The following WT1 variants were observed in gnomAD, a reference collection of about 807,000 sequenced individuals.
The protein encoded by WT1 is Wilms tumor protein.
WT1 carries 8 observed loss-of-function variants against 60.8 expected under a neutral mutation model. The observed-to-expected ratio is 0.13, with a 90% CI of 0.08 to 0.24. WT1 has a LOEUF of 0.24. Ranked by LOEUF, WT1 falls within the 10% of genes least tolerant of loss-of-function variation. The probability of loss-of-function intolerance (pLI) is 1.00; values close to 1 mark genes in which losing one functional copy is unlikely to be tolerated. For synonymous variants in WT1, 312 were observed against 297.1 expected, an observed-to-expected ratio of 1.05 and a Z score of -0.52; for missense variants, 568 against 711.8, an observed-to-expected ratio of 0.80 and a Z score of 2.30.
chr11:32,405,031 C>A, intron 5 of WT1, among the ~76,000 whole-genome samples: 1 of 152,294 alleles, frequency 6.6e-6, no homozygotes, highest in East Asian at 1.9e-4. Context: ...GCAGTTATTT[C>A]ATGTGTTTGC....
intron 1 of WT1, among the ~76,000 whole-genome samples, chr11:32,433,101 C>T (rs936887444): frequency 6.6e-6 from 1 of 152,214 alleles, no homozygotes; most frequent in African/African-American, 2.4e-5. Context: ...TCTCAGCTGT[C>T]CTCTTATAGA....
At chr11:32,426,718 C>T (rs1441736730) in intron 3 of WT1, among the ~76,000 whole-genome samples, 1 of 152,212 alleles carries the variant, frequency 6.6e-6, no homozygotes, top group Non-Finnish European at 1.5e-5. Context: ...CTCCAGTCCG[C>T]GCGCCTCAGG....
At chr11:32,398,810 G>T (rs1852052471) in intron 6 of WT1, among the ~76,000 whole-genome samples, 1 of 150,944 alleles carries the variant, frequency 6.6e-6, no homozygotes. Flanking sequence ...CTAAGAGAAA[G>T]AAGTCAGCCT....
chr11:32,417,850 A>G (rs1209976783), intron 3 of WT1, among the ~76,000 whole-genome samples, 196 bp from the exon 4 acceptor site: 1 of 152,198 alleles, frequency 6.6e-6, no homozygotes, highest in Non-Finnish European at 1.5e-5. Flanking sequence ...CATACACAGC[A>G]GAAGGGATGT....
At chr11:32,394,662 A>G (rs995281632) in intron 7 of WT1, among the ~76,000 whole-genome samples, 1 of 152,234 alleles carries the variant, frequency 6.6e-6, no homozygotes, top group African/African-American at 2.4e-5. Context: ...AGTACTTAAT[A>G]TAACAGTCTG....
intron 6 of WT1, among the ~76,000 whole-genome samples, chr11:32,398,901 A>C (rs942541912): frequency 6.6e-6 from 1 of 151,682 alleles, no homozygotes; most frequent in Non-Finnish European, 1.5e-5. Flanking sequence ...TCACGCCTGT[A>C]ATCCCAGCAC....
rs189153510 is a variant in WT1, at chr11:32,398,790, A to G, written c.1113+1158T>C. Among the ~76,000 whole-genome samples the G allele has an allele frequency of 9.2e-5, 14 of 151,656 alleles. No individual in the cohort carries two copies. In the East Asian group the frequency reaches 2.7e-3, roughly 29 times the overall value. On this transcript the variant is annotated intron_variant, in intron 6 of 9. Coordinates refer to ENST00000452863, the MANE Select transcript of WT1 (RefSeq NM_024426.6). ...ACAAATAGACAAGGAGAAACCTTAC[A>G]TGCATATTGCTAAGAGAAAGAAGTC...
Position 32,435,209 on chromosome 11 carries a change from G to A in WT1, c.152C>T (p.Ala51Val). The change falls in exon 1 of 10, where the codon GCC becomes GTC. Residue 51 changes from alanine to valine, a missense_variant. By Grantham distance (64) the Ala-to-Val change is moderately conservative (BLOSUM62 0). Around this residue, in one of 3 missense-constraint regions of WT1, gnomAD observed 523 missense variants for 565.1 expected, o/e 0.93. Transcript: ENST00000452863. ...CTGGAGACGTTCAGCGCTGGCCTCG[G>A]CGGCGCCTAACTTGGCCCAGATGCC... 1 of 1,533,174 alleles carries A rather than the reference G, an allele frequency of 6.5e-7. No homozygotes were observed. Among genetic ancestry groups the A allele is most frequent in the Non-Finnish European group, 8.7e-7 (1 of 1,145,580 alleles). The allele number at this position is 1,533,174 out of a possible 1,614,324, so 95.0% of individuals were successfully genotyped here. A position where few individuals can be genotyped will look rare whatever the true frequency, so the allele number is the denominator to read the frequency against.
At chr11:32,399,022 G>T (rs1214664493) in intron 6 of WT1, among the ~76,000 whole-genome samples, 1 of 151,618 alleles carries the variant, frequency 6.6e-6, no homozygotes, top group Non-Finnish European at 1.5e-5. Flanking sequence ...CAGGCGTGGT[G>T]GTGGGCACCT....
intron 3 of WT1, among the ~76,000 whole-genome samples, chr11:32,419,681 C>G (rs1296031382): frequency 6.6e-6 from 1 of 152,104 alleles, no homozygotes; most frequent in Non-Finnish European, 1.5e-5. Context: ...TAAGGAAGTA[C>G]CCCAAAGAGA....
At chr11:32,415,344 G>A (rs1370916364) in intron 5 of WT1, among the ~76,000 whole-genome samples, 1 of 151,748 alleles carries the variant, frequency 6.6e-6, no homozygotes, top group African/African-American at 2.4e-5. Flanking sequence ...AGGAACTTAA[G>A]ACGAGTTAAG....
rs1443719817 is a variant in WT1, at chr11:32,394,082, G to A, written c.1265-1327C>T. ...TAAATTTTTAAAAATATTTTTTTTA[G>A]AGACAGGGTCTCACTATATTGCCCA... On this transcript the variant is annotated intron_variant, in intron 7 of 9. Transcript: ENST00000452863. 2.0e-5 allele frequency among the ~76,000 whole-genome samples: 3 copies of A among 152,028 alleles called. No homozygotes were observed. The East Asian group carries it at 5.8e-4, about 29-fold the overall frequency.
At chr11:32,430,042 A>G (rs1196853184) in intron 1 of WT1, among the ~76,000 whole-genome samples, 2 of 150,984 alleles carry the variant, frequency 1.3e-5, no homozygotes, top group Non-Finnish European at 2.9e-5. Flanking sequence ...ATGAGCCTGG[A>G]GGGTGGTGTG....
At position 32,435,080 on chromosome 11, in the gene WT1, C is replaced by T. The variant is rs1417614394; in HGVS notation, c.281G>A (p.Gly94Asp). 6.7e-7 allele frequency: 1 copy of T among 1,492,268 alleles called. No individual in the cohort carries two copies. The highest frequency in any genetic ancestry group is 8.8e-7 in the Non-Finnish European group (1 of 1,130,364). 92.4% of individuals were successfully genotyped at this position (1,492,268 alleles called of 1,614,324 possible). ...GCTCACAGGCAGGGCACAGCCGCCG[C>T]CGCCACCCAGGGAGGGGACGGCGGG... is the stretch of plus-strand genomic sequence containing the variant. Residue 94 changes from glycine (G) to aspartate (D), a missense_variant, in exon 1 of 10, where the codon GGC becomes GAC. Gly to Asp is a moderately conservative substitution (Grantham distance 94, BLOSUM62 -1). Transcript: ENST00000452863.
chr11:32,424,632 C>G (rs1852965132), intron 3 of WT1, among the ~76,000 whole-genome samples: 1 of 152,172 alleles, frequency 6.6e-6, no homozygotes, highest in African/African-American at 2.4e-5. Flanking sequence ...AAACCACCTC[C>G]TGTCATTTCC....
intron 5 of WT1, among the ~76,000 whole-genome samples, chr11:32,406,910 C>A (rs1852329307): frequency 6.6e-6 from 1 of 151,942 alleles, no homozygotes; most frequent in Non-Finnish European, 1.5e-5. Context: ...ACCAGCCTGG[C>A]CAACATGGTG....
chr11:32,427,684 T>C (rs532391898), intron 3 of WT1, among the ~76,000 whole-genome samples: 271 of 152,336 alleles, frequency 1.8e-3, no homozygotes, highest in African/African-American at 5.8e-3. Flanking sequence ...AGTAAAGACC[T>C]TCTAAAAATA....
At chr11:32,418,516 G>C (rs914600285) in intron 3 of WT1, among the ~76,000 whole-genome samples, 6 of 152,116 alleles carry the variant, frequency 3.9e-5, no homozygotes, top group Non-Finnish European at 5.9e-5. Context: ...GAGTTTTTCT[G>C]GGACCTCTTG....
At chr11:32,415,620 C>A (rs187816968) in intron 5 of WT1, among the ~76,000 whole-genome samples, 94 of 152,340 alleles carry the variant, frequency 6.2e-4, no homozygotes, top group Middle Eastern at 3.4e-3. Flanking sequence ...GCACTCCAGC[C>A]TGGGCGACAA....
Sources: gnomAD v4.1 joint callset for allele counts (sites outside exome capture counted in the v4.1 genomes callset) on GRCh38, gnomAD v4.1.1 for gene constraint, gnomAD v4.1.1 regional missense constraint, MANE v1.5 for transcripts, NCBI Gene and HGNC (gene_info 2026-07-23, HGNC 2026-07-21) for gene names.